The following SEC24B variants were observed in gnomAD, a reference collection of about 807,000 sequenced individuals.
SEC24B encodes the protein SEC24 homolog B, COPII component.
Under a neutral mutation model 142.8 loss-of-function variants are expected in SEC24B, and 45 were observed. The ratio of observed to expected loss-of-function variants is 0.32; its 90% CI spans 0.25 to 0.40. The LOEUF is 0.40. SEC24B is among the 10% of genes least tolerant of loss of function. The probability of loss-of-function intolerance (pLI) is 1.00; values close to 1 mark genes in which losing one functional copy is unlikely to be tolerated. For synonymous variants in SEC24B, 574 were observed against 568.2 expected (o/e 1.01, Z -0.15); for missense variants, 1,409 against 1,526.8 (o/e 0.92, Z 1.29).
At chr4:109,517,271 CA>C (rs1267350537) in intron 11 of SEC24B, among the ~76,000 whole-genome samples, 3 of 151,760 alleles carry the variant, frequency 2.0e-5, no homozygotes, top group Non-Finnish European at 4.4e-5. Flanking sequence ...GGTATATGTG[CA>C]AATGGAATAC....
At chr4:109,490,830 C>A (rs1450365383) in intron 4 of SEC24B, among the ~76,000 whole-genome samples, 1 of 151,994 alleles carries the variant, frequency 6.6e-6, no homozygotes, top group Non-Finnish European at 1.5e-5. Flanking sequence ...CACAGAAAAG[C>A]TTAGTAGCAT....
In SEC24B at chr4:109,516,594, G is replaced by A; in HGVS notation, c.2080G>A (p.Gly694Arg). Residue 694 changes from glycine (G) to arginine (R), a missense_variant, in exon 11 of 24, where the codon GGA becomes AGA. This residue lies in a region of SEC24B where 700 missense variants were observed against 853.3 expected (regional missense o/e 0.82). Coordinates refer to ENST00000265175, the MANE Select transcript of SEC24B (RefSeq NM_006323.5). ...LDVSHNAVEAGYLTILCQSLL... is the reference protein window; with the variant it reads ...LDVSHNAVEARYLTILCQSLL... Reference sequence around the variant, plus strand: ...TGTGTCTCATAATGCAGTGGAAGCTGGATATTTGACAATTTTGTGCCAGTC... The same window carrying A: ...TGTGTCTCATAATGCAGTGGAAGCTAGATATTTGACAATTTTGTGCCAGTC... The A allele has an allele frequency of 6.2e-7, 1 of 1,612,610 alleles. No individual in the cohort carries two copies. Among genetic ancestry groups the A allele is most frequent in the Non-Finnish European group, 8.5e-7 (1 of 1,179,162 alleles).
chr4:109,512,309 T>C (rs1737424164), intron 9 of SEC24B, among the ~76,000 whole-genome samples: 1 of 152,122 alleles, frequency 6.6e-6, no homozygotes, highest in South Asian at 2.1e-4. Context: ...GTAAGAAAAA[T>C]AGAAACAGTG....
At chr4:109,449,596 A>G (rs761842388) in intron 1 of SEC24B, 115 of 443,756 alleles carry the variant, frequency 2.6e-4, no homozygotes, top group Non-Finnish European at 4.5e-4. Context: ...TCATATTCTA[A>G]TGAGGGCCCT....
At chr4:109,539,275 T>TC (rs1725932601) in intron 23 of SEC24B, among the ~76,000 whole-genome samples, 1 of 151,654 alleles carries the variant, frequency 6.6e-6, no homozygotes, top group South Asian at 2.1e-4. Flanking sequence ...TTTAAAAATT[T>TC]TTTTTTTTTT....
chr4:109,467,555 A>C (rs1359002763), intron 2 of SEC24B, among the ~76,000 whole-genome samples: 1 of 152,144 alleles, frequency 6.6e-6, no homozygotes, highest in African/African-American at 2.4e-5. Flanking sequence ...TTTGAGGTGA[A>C]GTTGCCTGAG....
chr4:109,445,353 C>T (rs930579575), intron 1 of SEC24B, among the ~76,000 whole-genome samples: 1 of 146,012 alleles, frequency 6.8e-6, no homozygotes, highest in South Asian at 2.2e-4. Flanking sequence ...ACACCATTCT[C>T]CTGCCTCAGC....
Position 109,527,385 on chromosome 4 carries a change from A to G in SEC24B, c.3029A>G (p.Tyr1010Cys), listed in dbSNP as rs1283522573. 1.9e-6 allele frequency: 3 copies of G among 1,613,878 alleles called. No homozygotes were observed. The highest frequency in any genetic ancestry group is 8.5e-7 in the Non-Finnish European group (1 of 1,179,842). The change falls in exon 18 of 24, where the codon TAT becomes TGT. Residue 1010 changes from tyrosine (Y) to cysteine (C), a missense_variant. Coordinates refer to ENST00000265175, the MANE Select transcript of SEC24B (RefSeq NM_006323.5). ...GTGGTAAGTTCACTAGCAGATGTATATGCGGGAGTGGATGTACAAGCTGCC... is the reference window on the plus strand; with the variant it reads ...GTGGTAAGTTCACTAGCAGATGTATGTGCGGGAGTGGATGTACAAGCTGCC... ...LPVVSSLADV[Y>C]AGVDVQAAIC... is the part of the protein sequence containing the mutation.
intron 11 of SEC24B, among the ~76,000 whole-genome samples, chr4:109,517,659 A>T (rs1723088609): frequency 6.6e-6 from 1 of 152,234 alleles, no homozygotes; most frequent in Non-Finnish European, 1.5e-5. Flanking sequence ...AGATTTAGCC[A>T]TTCCACAGTG....
chr4:109,453,202 G>A (rs1414742154), intron 1 of SEC24B, among the ~76,000 whole-genome samples: 2 of 152,176 alleles, frequency 1.3e-5, no homozygotes, highest in African/African-American at 4.8e-5. Context: ...ATCAGGGTGA[G>A]ATCTCAAGGT....
intron 23 of SEC24B, 64 bp from the exon 24 acceptor site, chr4:109,539,497 T>C (rs1480071527): frequency 2.2e-6 from 2 of 922,966 alleles, no homozygotes; most frequent in Admixed American, 1.9e-5. Context: ...ATGAGCTAGA[T>C]TGCAAAGTGG....
intron 10 of SEC24B, among the ~76,000 whole-genome samples, chr4:109,516,253 G>T (rs990715061): frequency 1.3e-5 from 2 of 152,014 alleles, no homozygotes; most frequent in Non-Finnish European, 2.9e-5. Context: ...TTTAAAAAAT[G>T]AACTCTTAGC....
chr4:109,536,866 G>A (rs1333532001), intron 22 of SEC24B, among the ~76,000 whole-genome samples: 3 of 151,392 alleles, frequency 2.0e-5, no homozygotes, highest in Non-Finnish European at 4.4e-5. Flanking sequence ...AATGGGTAAC[G>A]CCTTTGTAAG....
intron 1 of SEC24B, among the ~76,000 whole-genome samples, chr4:109,452,183 A>G (rs1730174381): frequency 6.6e-6 from 1 of 152,134 alleles, no homozygotes; most frequent in Non-Finnish European, 1.5e-5. Context: ...GGAACCATAT[A>G]ATATGTAGCC....
rs778094957 is a variant in SEC24B, at chr4:109,513,735, C to T, written c.1904-12C>T. On this transcript the variant is annotated splice_polypyrimidine_tract_variant and intron_variant, in intron 9 of 23. Transcript: ENST00000265175. The stretch of plus-strand genomic sequence containing the variant: ...TTGTGTCTCTAAATTTGTACTGGGA[C>T]CTCTTATCTAGTTCCTGAAGAATTT... The T allele has an allele frequency of 6.8e-6, 10 of 1,478,562 alleles. 1 individual carries two copies. The South Asian group carries it at 9.1e-5, about 13-fold the overall frequency. The allele number at this position is 1,478,562 out of a possible 1,614,324, so 91.6% of individuals were successfully genotyped here.
chr4:109,444,316 A>G (rs1729226771), intron 1 of SEC24B, among the ~76,000 whole-genome samples: 1 of 152,128 alleles, frequency 6.6e-6, no homozygotes, highest in African/African-American at 2.4e-5. Flanking sequence ...TTTGGATCAA[A>G]GAAGAGCCAT....
chr4:109,456,325 G>GTTTTTTTTTTTTTTTTTTTT (rs1196701325), intron 1 of SEC24B, among the ~76,000 whole-genome samples: 1 of 92,258 alleles, frequency 1.1e-5, no homozygotes, highest in Non-Finnish European at 2.2e-5. Flanking sequence ...ATAAAGACAG[G>GTTTTTTTTTTTTTTTTTTTT]TTTTTTTTGT....
intron 1 of SEC24B, among the ~76,000 whole-genome samples, chr4:109,440,782 G>A (rs902440937): frequency 9.8e-5 from 15 of 152,304 alleles, no homozygotes; most frequent in African/African-American, 2.9e-4. Context: ...ATGCCCAGTA[G>A]TAGCAGCTTG....
Position 109,463,629 on chromosome 4 carries a change from A to T in SEC24B, c.862A>T (p.Asn288Tyr), listed in dbSNP as rs781614841. 1.2e-6 allele frequency: 2 copies of T among 1,613,086 alleles called. No homozygotes were observed. Among genetic ancestry groups the T allele is most frequent in the East Asian group, 4.5e-5 (2 of 44,842 alleles). The change falls in exon 2 of 24, where the codon AAC (asparagine) becomes TAC (tyrosine). Residue 288 changes from asparagine to tyrosine, a missense_variant. Asn to Tyr is a moderately radical substitution (Grantham distance 143). Coordinates refer to ENST00000265175, the MANE Select transcript of SEC24B (RefSeq NM_006323.5). ...HTGSLAVANN[N>Y]PTITVADSLS... ...AGGATCCCTGGCTGTAGCGAACAAC[A>T]ACCCAACCATTACTGGTAGGTTGAA...
Sources: allele counts gnomAD v4.1 joint callset (sites outside exome capture counted in the v4.1 genomes callset), GRCh38; gene constraint gnomAD v4.1.1; regional missense constraint gnomAD v4.1.1; transcripts MANE v1.5; gene names NCBI Gene and HGNC (gene_info 2026-07-23, HGNC 2026-07-21).